CSMD1: variants seen among roughly 807,000 people sequenced by gnomAD.
The protein encoded by CSMD1 is CUB and Sushi multiple domains 1, also known as CUB and sushi domain-containing protein 1.
A neutral mutation model predicts 417.5 loss-of-function variants in CSMD1; 213 were observed. The ratio of observed to expected loss-of-function variants is 0.51; its 90% CI spans 0.46 to 0.57. The LOEUF (loss-of-function observed/expected upper bound fraction) is 0.57. Ranked by LOEUF, CSMD1 falls within the 20% of genes least tolerant of loss-of-function variation. The probability of loss-of-function intolerance (pLI) is 0.00; values close to 1 mark genes in which losing one functional copy is unlikely to be tolerated. For synonymous variants in CSMD1, 2,862 were observed against 1,736.8 expected (o/e 1.65, Z -16.11); for missense variants, 6,923 against 4,529.7 (o/e 1.53, Z -15.17).
intron 5 of CSMD1, among the ~76,000 whole-genome samples, chr8:3,767,113 C>G (rs138760868): frequency 6.6e-6 from 1 of 152,178 alleles, no homozygotes; most frequent in Non-Finnish European, 1.5e-5. Flanking sequence ...GTACAGTAGC[C>G]GTGGGGTTCC....
rs189726750 is a variant in CSMD1 at position 4,433,532 on chromosome 8, G to A, written c.303-13467C>T. 1.4e-3 allele frequency among the ~76,000 whole-genome samples: 208 copies of A among 152,184 alleles called. 1 individual carries two copies. The highest frequency in any genetic ancestry group is 4.6e-3 in the African/African-American group (189 of 41,518). Reference sequence around the variant, plus strand: ...CAAGGCAGCCCCAGATCCCCCTGCCGGCAAGAAAAACCTTGTGGAAGCAGA... The same window carrying A: ...CAAGGCAGCCCCAGATCCCCCTGCCAGCAAGAAAAACCTTGTGGAAGCAGA... On this transcript the variant is annotated intron_variant, in intron 2 of 69. Transcript: ENST00000635120.
chr8:4,942,146 C>G (rs1275940800), intron 1 of CSMD1, among the ~76,000 whole-genome samples: 2 of 152,060 alleles, frequency 1.3e-5, no homozygotes, highest in Non-Finnish European at 2.9e-5. Context: ...TAATATACTC[C>G]CTATTTATTT....
At chr8:3,691,076 G>A (rs1015918811) in intron 7 of CSMD1, among the ~76,000 whole-genome samples, 3 of 152,022 alleles carry the variant, frequency 2.0e-5, no homozygotes, top group Non-Finnish European at 2.9e-5. Context: ...TAGCAAAACT[G>A]TATCAATGGG....
chr8:2,985,254 TG>T, intron 54 of CSMD1, among the ~76,000 whole-genome samples: 1 of 152,378 alleles, frequency 6.6e-6, no homozygotes, highest in Middle Eastern at 3.4e-3. Flanking sequence ...CCATCATGCC[TG>T]TATCACTAGC....
At chr8:4,698,597 A>ATT (rs1239933965) in intron 1 of CSMD1, among the ~76,000 whole-genome samples, 5 of 62,082 alleles carry the variant, frequency 8.1e-5, no homozygotes, top group African/African-American at 6.6e-4. Flanking sequence ...AAATGATAGA[A>ATT]ATTTTTTTTT....
At chr8:3,619,392 C>A (rs148453026) in intron 7 of CSMD1, among the ~76,000 whole-genome samples, 2 of 149,032 alleles carry the variant, frequency 1.3e-5, no homozygotes, top group Non-Finnish European at 3.0e-5. Flanking sequence ...TTTTTTTTAA[C>A]AAAAACCACA....
intron 53 of CSMD1, among the ~76,000 whole-genome samples, chr8:2,998,616 T>C (rs1278240790): frequency 6.6e-6 from 1 of 152,242 alleles, no homozygotes; most frequent in African/African-American, 2.4e-5. Context: ...TGTCTGATAC[T>C]TTTTAATGTC....
intron 1 of CSMD1, among the ~76,000 whole-genome samples, chr8:4,750,528 T>A (rs1811247770): frequency 6.6e-6 from 1 of 152,176 alleles, no homozygotes; most frequent in African/African-American, 2.4e-5. Flanking sequence ...AAGATTTTCC[T>A]ATATTTTGAA....
At chr8:3,005,949 G>A (rs995242465) in intron 52 of CSMD1, among the ~76,000 whole-genome samples, 21 of 152,032 alleles carry the variant, frequency 1.4e-4, no homozygotes, top group Non-Finnish European at 1.5e-5. Context: ...AGGAAATAAA[G>A]GGTATTCAAT....
rs1006822401 is a variant in CSMD1, at chr8:4,880,066, T to A, written c.85+114266A>T. On this transcript the variant is annotated intron_variant, in intron 1 of 69. Transcript: ENST00000635120. ...CTTTAAAAGTAATCTCCTACCTTTC[T>A]GCTGAACTTATTAGTTTTGGCCGTT... 2.0e-5 allele frequency among the ~76,000 whole-genome samples: 3 copies of A among 152,138 alleles called. No individual in the cohort carries two copies. In the South Asian group the frequency reaches 6.2e-4, roughly 31 times the overall value.
At position 4,419,986 on chromosome 8, in the gene CSMD1, C is replaced by A; in HGVS notation, c.382G>T (p.Val128Leu). Residue 128 changes from valine (V) to leucine (L), a missense_variant, in exon 3 of 70, where the codon GTG becomes TTG. Val to Leu is a conservative substitution (Grantham distance 32, BLOSUM62 1). Coordinates refer to ENST00000635120, the MANE Select transcript of CSMD1 (RefSeq NM_033225.6). ...AATGCTTTGAAACCTTGGGCACTCA[C>A]AGCGAAGTCTGTCGTGAACCACAGA... The part of the protein sequence containing the change: ...LTLWFTTDFA[V>L]SAQGFKALYE... 1 of 1,587,890 alleles carries A rather than the reference C, an allele frequency of 6.3e-7. No individual in the cohort carries two copies. The highest frequency in any genetic ancestry group is 1.2e-5 in the South Asian group (1 of 86,684).
At chr8:4,405,126 G>C (rs1034965617) in intron 3 of CSMD1, among the ~76,000 whole-genome samples, 1 of 152,076 alleles carries the variant, frequency 6.6e-6, no homozygotes, top group Non-Finnish European at 1.5e-5. Context: ...CCTTAGCATT[G>C]GTTATTTCAC....
chr8:4,421,160 C>G (rs186753593), intron 2 of CSMD1, among the ~76,000 whole-genome samples: 1 of 152,034 alleles, frequency 6.6e-6, no homozygotes, highest in African/African-American at 2.4e-5. Flanking sequence ...ATTGTCATAC[C>G]AGAAGACACT....
intron 3 of CSMD1, among the ~76,000 whole-genome samples, chr8:4,373,929 T>C (rs925152632): frequency 2.0e-5 from 3 of 152,208 alleles, no homozygotes; most frequent in African/African-American, 4.8e-5. Flanking sequence ...TTTCTCTCTA[T>C]ACCTAGAAGA....
chr8:4,064,459 A>C (rs557657484), intron 3 of CSMD1, among the ~76,000 whole-genome samples: 2 of 152,328 alleles, frequency 1.3e-5, no homozygotes, highest in African/African-American at 4.8e-5. Flanking sequence ...ATTTTCATAT[A>C]TCAAAACTGT....
intron 3 of CSMD1, among the ~76,000 whole-genome samples, chr8:4,290,575 T>C (rs1175699454): frequency 6.6e-6 from 1 of 152,194 alleles, no homozygotes; most frequent in Non-Finnish European, 1.5e-5. Flanking sequence ...AGCTTTTCTG[T>C]CTCCCATGCT....
chr8:4,621,651 G>A (rs927591795), intron 2 of CSMD1, among the ~76,000 whole-genome samples: 1 of 152,026 alleles, frequency 6.6e-6, no homozygotes, highest in Non-Finnish European at 1.5e-5. Context: ...TAGAAACAGA[G>A]GAGAAAACAG....
intron 3 of CSMD1, among the ~76,000 whole-genome samples, chr8:4,148,233 A>C (rs1222117358): frequency 6.6e-6 from 1 of 152,026 alleles, no homozygotes; most frequent in South Asian, 2.1e-4. Flanking sequence ...GGCAACTTTA[A>C]AACAAAATGA....
intron 3 of CSMD1, among the ~76,000 whole-genome samples, chr8:4,408,374 CA>C (rs1796460071): frequency 6.6e-6 from 1 of 152,076 alleles, no homozygotes; most frequent in Non-Finnish European, 1.5e-5. Flanking sequence ...CCTCTACTGT[CA>C]AAAAAGAGGC....
Sources: allele counts gnomAD v4.1 joint callset (sites outside exome capture counted in the v4.1 genomes callset), GRCh38; gene constraint gnomAD v4.1.1; transcripts MANE v1.5; gene names NCBI Gene and HGNC (gene_info 2026-07-23, HGNC 2026-07-21).